Variants in MGRN1 observed in about 807,000 individuals in gnomAD.
MGRN1 encodes the protein E3 ubiquitin-protein ligase MGRN1.
In MGRN1, 29 loss-of-function variants were observed where a neutral mutation model predicts 69.2. The observed-to-expected ratio is 0.42, with a 90% confidence interval of 0.31 to 0.57. The LOEUF is 0.57. MGRN1 is among the 20% of genes least tolerant of loss of function. MGRN1 has a pLI of 0.15. For synonymous variants in MGRN1, 470 were observed against 344.2 expected (o/e 1.37, Z -4.04); for missense variants, 998 against 796.2 (o/e 1.25, Z -3.05).
intron 1 of MGRN1, among the ~76,000 whole-genome samples, chr16:4,640,956 T>G (rs1012573627): frequency 1.3e-5 from 2 of 152,190 alleles, no homozygotes; most frequent in Non-Finnish European, 1.5e-5. Context: ...TGTCTGCCCC[T>G]CTTTCCTTGG....
At chr16:4,642,464 ATTTGTG>A (rs1159897287) in intron 1 of MGRN1, among the ~76,000 whole-genome samples, 7 of 124,156 alleles carry the variant, frequency 5.6e-5, no homozygotes, top group Non-Finnish European at 1.1e-4. Context: ...CGGCCAGCTA[ATTTGTG>A]TGTGTGTGTG....
intron 1 of MGRN1, among the ~76,000 whole-genome samples, chr16:4,648,543 G>A (rs1338970935): frequency 3.3e-5 from 4 of 120,828 alleles, no homozygotes; most frequent in African/African-American, 1.2e-4. Flanking sequence ...GTGGTCACCC[G>A]GGTCCTCCTC....
intron 1 of MGRN1, among the ~76,000 whole-genome samples, chr16:4,638,882 C>CCCCTGGTGTCCCGGGT: frequency 6.6e-6 from 1 of 152,212 alleles, no homozygotes; most frequent in African/African-American, 2.4e-5. Flanking sequence ...GTGAAGTCCA[C>CCCCTGGTGTCCCGGGT]CCCTGGTGTC....
chr16:4,677,351 T>TCCA, intron 10 of MGRN1, 112 bp from the exon 11 acceptor site: 2 of 623,332 alleles, frequency 3.2e-6, no homozygotes, highest in East Asian at 6.7e-5. Context: ...GGAAGCGGGG[T>TCCA]CACCCCAGGA....
intron 1 of MGRN1, among the ~76,000 whole-genome samples, chr16:4,646,700 T>C (rs1171811366): frequency 6.6e-6 from 1 of 152,206 alleles, no homozygotes; most frequent in Non-Finnish European, 1.5e-5. Context: ...TCAGTGTGGG[T>C]GCAGTCTGCC....
intron 5 of MGRN1, among the ~76,000 whole-genome samples, chr16:4,658,472 C>T (rs2078603957): frequency 6.6e-6 from 1 of 150,850 alleles, no homozygotes; most frequent in African/African-American, 2.4e-5. Context: ...GGAGGTGGAG[C>T]TTGCAGTGAG....
At chr16:4,661,673 C>T (rs1029354279) in intron 5 of MGRN1, among the ~76,000 whole-genome samples, 4 of 152,276 alleles carry the variant, frequency 2.6e-5, no homozygotes, top group South Asian at 4.1e-4. Context: ...CGGCACTTCT[C>T]AGCCTTCACA....
chr16:4,677,568 A>G lies in MGRN1; in HGVS notation c.1061A>G (p.His354Arg), dbSNP rs1210622871. 2 of 1,599,180 alleles carry G rather than the reference A, an allele frequency of 1.3e-6. No individual in the cohort carries two copies. The highest frequency in any genetic ancestry group is 1.1e-5 in the South Asian group (1 of 91,058). Residue 354 changes from histidine (H) to arginine (R), a missense_variant, in exon 11 of 17, where the codon CAC (histidine) becomes CGC (arginine). Transcript: ENST00000262370. ...GCCCAGAGCCTGGAGCATGATGAGCACTCTGTAAGTGCCGCCTCCTGCCTG... is the reference window on the plus strand; with the variant it reads ...GCCCAGAGCCTGGAGCATGATGAGCGCTCTGTAAGTGCCGCCTCCTGCCTG... ...VLAQSLEHDE[H>R]SCPFKKSKPH...
rs558737565 is a variant in MGRN1 at position 4,665,399 on chromosome 16, C to G, written c.678+248C>G. Among the ~76,000 whole-genome samples, 13 of 150,900 alleles carry G rather than the reference C, an allele frequency of 8.6e-5. No homozygotes were observed. The East Asian group carries it at 2.3e-3, about 27-fold the overall frequency. On this transcript the variant is annotated intron_variant, in intron 7 of 16. Transcript: ENST00000262370. ...TTTTCTTTCCTGAGCCGGGCTCACT[C>G]TGTCACCCAGGCTGGAGTTCAGTGG...
intron 14 of MGRN1, 91 bp downstream of exon 14, chr16:4,683,037 G>T: frequency 6.8e-7 from 1 of 1,471,110 alleles, no homozygotes; most frequent in Non-Finnish European, 9.1e-7. Flanking sequence ...CCCACTGCCC[G>T]CCTGGGCGCC....
intron 10 of MGRN1, among the ~76,000 whole-genome samples, chr16:4,675,796 A>G (rs1022730693): frequency 1.3e-5 from 2 of 152,176 alleles, no homozygotes; most frequent in Admixed American, 1.3e-4. Context: ...AAATTGACCA[A>G]GGAATTAAAT....
intron 1 of MGRN1, chr16:4,633,752 CTT>C (rs1481013350): frequency 6.6e-6 from 1 of 151,934 alleles, no homozygotes; most frequent in Non-Finnish European, 1.5e-5. Flanking sequence ...GAGTCTCACT[CTT>C]TCTCCCAGGC....
chr16:4,688,619 T>A, intron 16 of MGRN1, 177 bp from the exon 17 acceptor site: 1 of 1,396,350 alleles, frequency 7.2e-7, no homozygotes, highest in Non-Finnish European at 9.4e-7. Context: ...TTGGCACAGT[T>A]AGGGAGTCCC....
chr16:4,649,661 A>G (rs2078357599), intron 1 of MGRN1: 1 of 152,388 alleles, frequency 6.6e-6, no homozygotes, highest in African/African-American at 2.4e-5. Context: ...CAAAGACCCT[A>G]GATCCAAATA....
Position 4,652,791 on chromosome 16 carries a change from A to G in MGRN1, c.410A>G (p.Gln137Arg), listed in dbSNP as rs1226772563. The change falls in exon 4 of 17, where the codon CAG becomes CGG. Residue 137 changes from glutamine to arginine, a missense_variant. Coordinates refer to ENST00000262370, the MANE Select transcript of MGRN1 (RefSeq NM_015246.4). ...CGCGTGGCCATCACCATCTACTGCC[A>G]GGCATCGGAGGAGTTCCTGAACGGC... is the stretch of plus-strand genomic sequence containing the variant. Reference protein sequence around the residue: ...DARVAITIYCQASEEFLNGRA... With the variant: ...DARVAITIYCRASEEFLNGRA... 2 of 1,610,644 alleles carry G rather than the reference A, an allele frequency of 1.2e-6. No homozygotes were observed. The highest frequency in any genetic ancestry group is 1.7e-6 in the Non-Finnish European group (2 of 1,178,542).
chr16:4,625,046 C>T lies in MGRN1; in HGVS notation c.86C>T (p.Ser29Phe). Reference protein sequence around the residue: ...ANSAYRYPPKSGNYFASHFFM... With the variant: ...ANSAYRYPPKFGNYFASHFFM... ...TCGGCCTATCGCTACCCTCCGAAGT[C>T]CGGTGAGCGCCCGGCCCCAGGCGCG... The change falls in exon 1 of 17, where the codon TCC becomes TTC. Residue 29 changes from serine to phenylalanine, a missense_variant and splice_region_variant. Coordinates refer to ENST00000262370, the MANE Select transcript of MGRN1 (RefSeq NM_015246.4). 1.9e-6 allele frequency: 3 copies of T among 1,543,350 alleles called. No homozygotes were observed. Among genetic ancestry groups the T allele is most frequent in the South Asian group, 1.2e-5 (1 of 83,594 alleles).
At chr16:4,637,731 C>T (rs1389582365) in intron 1 of MGRN1, among the ~76,000 whole-genome samples, 3 of 152,214 alleles carry the variant, frequency 2.0e-5, no homozygotes, top group African/African-American at 4.8e-5. Context: ...GTGAGGCCAT[C>T]GCCACCCACC....
chr16:4,672,939 C>A (rs756638957), intron 9 of MGRN1, among the ~76,000 whole-genome samples: 3 of 152,098 alleles, frequency 2.0e-5, no homozygotes, highest in Non-Finnish European at 4.4e-5. Flanking sequence ...CCTGGGTTCA[C>A]GCCATTCTCC....
chr16:4,631,907 T>TTGG (rs72529025), intron 1 of MGRN1, among the ~76,000 whole-genome samples: 4 of 132,902 alleles, frequency 3.0e-5, no homozygotes, highest in Admixed American at 2.3e-4. Flanking sequence ...TTCTCAGTTG[T>TTGG]TTTTTTTTTT....
Sources: allele counts gnomAD v4.1 joint callset (sites outside exome capture counted in the v4.1 genomes callset), GRCh38; gene constraint gnomAD v4.1.1; transcripts MANE v1.5; gene names NCBI Gene and HGNC (gene_info 2026-07-23, HGNC 2026-07-21).